RGS7: variants seen among roughly 807,000 people sequenced by gnomAD.
RGS7 encodes regulator of G-protein signaling 7.
Under a neutral mutation model 81.1 loss-of-function variants are expected in RGS7, and 27 were observed. That is an observed-to-expected ratio of 0.33 (90% CI 0.25 to 0.46). The LOEUF (loss-of-function observed/expected upper bound fraction) is 0.46, where lower values mean the gene tolerates loss of function less well. Among genes scored for constraint, RGS7 ranks in the 20% least tolerant of loss-of-function variants. The pLI is 1.00. For synonymous variants in RGS7, 208 were observed against 207.7 expected (o/e 1.00, Z -0.01); for missense variants, 396 against 607.4 (o/e 0.65, Z 3.66).
At chr1:241,239,585 C>T (rs996054593) in intron 2 of RGS7, among the ~76,000 whole-genome samples, 3 of 152,178 alleles carry the variant, frequency 2.0e-5, no homozygotes, top group Non-Finnish European at 4.4e-5. Context: ...TGTCATACCC[C>T]AAGCACGCCA....
intron 9 of RGS7, among the ~76,000 whole-genome samples, chr1:240,863,638 G>A (rs1409139002): frequency 6.6e-6 from 1 of 152,150 alleles, no homozygotes; most frequent in Non-Finnish European, 1.5e-5. Context: ...AACATCCCTG[G>A]CAGGGGTATT....
chr1:241,123,532 C>T (rs2066441169), intron 2 of RGS7, among the ~76,000 whole-genome samples: 1 of 152,182 alleles, frequency 6.6e-6, no homozygotes, highest in African/African-American at 2.4e-5. Context: ...GGGTGGATCA[C>T]CTGAGGTCGG....
Position 241,302,793 on chromosome 1 carries a change from T to C in RGS7, c.78+52906A>G, listed in dbSNP as rs1011153377. ...ACCCTACCCTCACCCCAAATCATTT[T>C]GAAGAAATCTTCTGACGTCATGTCT... is the stretch of plus-strand genomic sequence containing the variant. On this transcript the variant is annotated intron_variant, in intron 2 of 18. Coordinates refer to ENST00000440928, the MANE Select transcript of RGS7 (RefSeq NM_001364886.1). Among the ~76,000 whole-genome samples, 5 of 152,348 alleles carry C rather than the reference T, an allele frequency of 3.3e-5. No homozygotes were observed. In the South Asian group the frequency reaches 6.2e-4, roughly 19 times the overall value.
intron 6 of RGS7, among the ~76,000 whole-genome samples, chr1:240,892,530 C>T (rs261807): frequency 0.48 from 72,574 of 151,986 alleles, 17,681 homozygotes; most frequent in South Asian, 0.55. Context: ...TTTCTTACTG[C>T]TGTTAAGTTG....
intron 3 of RGS7, among the ~76,000 whole-genome samples, chr1:241,064,183 CAA>C (rs140883852): frequency 0.016 from 1,254 of 78,174 alleles, 17 homozygotes; most frequent in African/African-American, 0.052. Flanking sequence ...AACTCAGTTT[CAA>C]AAAAAAAAAA....
chr1:241,113,007 T>C (rs558249440), intron 2 of RGS7, among the ~76,000 whole-genome samples: 1 of 152,298 alleles, frequency 6.6e-6, no homozygotes, highest in African/African-American at 2.4e-5. Flanking sequence ...TTTCAACTAC[T>C]CCTTCATTCC....
At chr1:240,987,399 T>C (rs1180772877) in intron 3 of RGS7, among the ~76,000 whole-genome samples, 1 of 152,222 alleles carries the variant, frequency 6.6e-6, no homozygotes, top group Non-Finnish European at 1.5e-5. Context: ...AAAAGCTCTT[T>C]GTACTGCCCA....
intron 2 of RGS7, among the ~76,000 whole-genome samples, chr1:241,290,327 T>C (rs907731452): frequency 4.6e-5 from 7 of 152,242 alleles, no homozygotes; most frequent in African/African-American, 7.2e-5. Context: ...CCTTCAGACA[T>C]AGTCTACTAG....
chr1:240,944,371 T>A (rs1434882212), intron 4 of RGS7, among the ~76,000 whole-genome samples: 1 of 140,960 alleles, frequency 7.1e-6, no homozygotes, highest in Non-Finnish European at 1.5e-5. Context: ...GAGATAAAAA[T>A]CATGCTTACT....
intron 2 of RGS7, among the ~76,000 whole-genome samples, chr1:241,340,939 C>A (rs1288937861): frequency 6.6e-6 from 1 of 151,872 alleles, no homozygotes; most frequent in East Asian, 1.9e-4. Flanking sequence ...AGATAGAAAT[C>A]CTCTTACAGG....
At position 241,150,025 on chromosome 1, in the gene RGS7, C is replaced by A. The variant is rs372345753; in HGVS notation, c.79-51263G>T. On this transcript the variant is annotated intron_variant, in intron 2 of 18. Coordinates refer to ENST00000440928, the MANE Select transcript of RGS7 (RefSeq NM_001364886.1). ...CTGACCTCAAGTGAACTGCCTGCCT[C>A]GGCTTCCCAAGATAGGCATTTCATA... Among the ~76,000 whole-genome samples the A allele has an allele frequency of 1.7e-4, 26 of 152,230 alleles. No individual in the cohort carries two copies. In the East Asian group the frequency reaches 4.1e-3, roughly 24 times the overall value.
At chr1:241,248,781 G>A (rs1387864895) in intron 2 of RGS7, among the ~76,000 whole-genome samples, 2 of 152,124 alleles carry the variant, frequency 1.3e-5, no homozygotes, top group African/African-American at 4.8e-5. Flanking sequence ...CTCCTTTTCG[G>A]ATGAGTGGAG....
At chr1:241,201,185 C>T (rs2073471037) in intron 2 of RGS7, among the ~76,000 whole-genome samples, 1 of 152,162 alleles carries the variant, frequency 6.6e-6, no homozygotes, top group African/African-American at 2.4e-5. Flanking sequence ...TGTCACTATG[C>T]CTACCCCACT....
At chr1:241,180,794 G>A (rs1413808788) in intron 2 of RGS7, among the ~76,000 whole-genome samples, 4 of 152,210 alleles carry the variant, frequency 2.6e-5, no homozygotes, top group East Asian at 3.8e-4. Flanking sequence ...AGCAGCGCAC[G>A]GGAGTCAAGA....
At chr1:241,156,736 C>T (rs1183533903) in intron 2 of RGS7, among the ~76,000 whole-genome samples, 1 of 152,160 alleles carries the variant, frequency 6.6e-6, no homozygotes, top group Non-Finnish European at 1.5e-5. Flanking sequence ...CACAAGGTCA[C>T]ACCCCTTCCT....
intron 9 of RGS7, among the ~76,000 whole-genome samples, chr1:240,836,871 T>C (rs866262134): frequency 6.6e-6 from 1 of 152,234 alleles, no homozygotes; most frequent in Non-Finnish European, 1.5e-5. Context: ...GAGTCTCTGC[T>C]ACACTTTCCT....
At chr1:240,925,297 C>G (rs917541313) in intron 6 of RGS7, among the ~76,000 whole-genome samples, 14 of 152,050 alleles carry the variant, frequency 9.2e-5, no homozygotes, top group Non-Finnish European at 1.5e-5. Flanking sequence ...CCACCAGTAC[C>G]TGCCAGCGTC....
At chr1:241,345,919 G>C (rs1245033435) in intron 2 of RGS7, among the ~76,000 whole-genome samples, 1 of 27,678 alleles carries the variant, frequency 3.6e-5, no homozygotes, top group East Asian at 1.2e-3. Flanking sequence ...GGGAGGCTGA[G>C]GCAGGAGAAT....
chr1:241,244,535 GA>G (rs1297270432), intron 2 of RGS7, among the ~76,000 whole-genome samples: 7 of 152,164 alleles, frequency 4.6e-5, no homozygotes, highest in African/African-American at 2.4e-5. Context: ...AACCATTGTG[GA>G]AGTCAGTGTG....
Sources: allele counts gnomAD v4.1 joint callset (sites outside exome capture counted in the v4.1 genomes callset), GRCh38; gene constraint gnomAD v4.1.1; transcripts MANE v1.5; gene names NCBI Gene and HGNC (gene_info 2026-07-23, HGNC 2026-07-21).